ZRANB3: variants seen among roughly 807,000 people sequenced by gnomAD.
ZRANB3 encodes the protein zinc finger RANBP2-type containing 3, also known as DNA annealing helicase and endonuclease ZRANB3.
Under a neutral mutation model 133.8 loss-of-function variants are expected in ZRANB3, and 125 were observed. That is an observed-to-expected ratio of 0.93 (90% CI 0.81 to 1.08). ZRANB3 has a LOEUF of 1.08. Among genes scored for constraint, ZRANB3 ranks in the 50% least tolerant of loss-of-function variants. ZRANB3 has a pLI of 0.00. For missense variants in ZRANB3, 1,229 were observed against 1,275.5 expected (o/e 0.96, Z 0.56); for synonymous variants, 387 against 432.7 (o/e 0.89, Z 1.31).
chr2:135,373,293 C>T (rs1036034619), intron 3 of ZRANB3, among the ~76,000 whole-genome samples: 8 of 151,990 alleles, frequency 5.3e-5, no homozygotes, highest in East Asian at 1.9e-4. Flanking sequence ...CAGACAAGTA[C>T]GGTAGGATAT....
At chr2:135,297,873 T>C (rs575427462) in intron 8 of ZRANB3, among the ~76,000 whole-genome samples, 1 of 152,238 alleles carries the variant, frequency 6.6e-6, no homozygotes, top group Non-Finnish European at 1.5e-5. Context: ...GAAGTTATGA[T>C]TGTCTTTTCT....
intron 2 of ZRANB3, among the ~76,000 whole-genome samples, chr2:135,396,690 A>G (rs1488851474): frequency 1.3e-5 from 2 of 152,084 alleles, no homozygotes; most frequent in Non-Finnish European, 2.9e-5. Flanking sequence ...GGGTAGGGGG[A>G]AAGTCGGGAT....
At chr2:135,387,969 T>TA (rs1174150924) in intron 3 of ZRANB3, among the ~76,000 whole-genome samples, 2 of 152,140 alleles carry the variant, frequency 1.3e-5, no homozygotes, top group Non-Finnish European at 2.9e-5. Flanking sequence ...TTAGAGAATA[T>TA]AAGAGTTAAG....
intron 2 of ZRANB3, among the ~76,000 whole-genome samples, chr2:135,406,437 T>C (rs919857102): frequency 1.3e-5 from 2 of 152,190 alleles, no homozygotes; most frequent in South Asian, 2.1e-4. Context: ...ATTCCATCAA[T>C]AGAAAAAGAG....
chr2:135,391,315 G>A (rs1056116245), intron 2 of ZRANB3, among the ~76,000 whole-genome samples: 5 of 152,176 alleles, frequency 3.3e-5, no homozygotes, highest in Non-Finnish European at 5.9e-5. Flanking sequence ...ATATGGCTAC[G>A]TGGGAGTGTT....
intron 8 of ZRANB3, among the ~76,000 whole-genome samples, chr2:135,279,024 T>C (rs945023915): frequency 1.3e-5 from 2 of 151,652 alleles, no homozygotes; most frequent in African/African-American, 2.4e-5. Flanking sequence ...ACAAAGCAAA[T>C]AGTAATACAA....
intron 1 of ZRANB3, among the ~76,000 whole-genome samples, chr2:135,505,083 A>C (rs1310104839): frequency 6.6e-6 from 1 of 152,146 alleles, no homozygotes; most frequent in Non-Finnish European, 1.5e-5. Flanking sequence ...TTGCCTGATT[A>C]ACACCTTCCT....
intron 12 of ZRANB3, among the ~76,000 whole-genome samples, chr2:135,255,120 G>T (rs1325454487): frequency 6.6e-6 from 1 of 152,106 alleles, no homozygotes; most frequent in Non-Finnish European, 1.5e-5. Flanking sequence ...AAATGTATGT[G>T]AAGCCATTGT....
At chr2:135,483,531 T>C (rs1691942129) in intron 2 of ZRANB3, among the ~76,000 whole-genome samples, 1 of 152,100 alleles carries the variant, frequency 6.6e-6, no homozygotes, top group South Asian at 2.1e-4. Flanking sequence ...TTGCTAGTGG[T>C]CTATCAATTT....
intron 3 of ZRANB3, among the ~76,000 whole-genome samples, chr2:135,385,465 T>C (rs1686926329): frequency 6.6e-6 from 1 of 152,166 alleles, no homozygotes; most frequent in African/African-American, 2.4e-5. Flanking sequence ...TACCAATGAC[T>C]TTCTTCACAG....
In ZRANB3 at chr2:135,315,469, GGTGAA is replaced by G; in HGVS notation, c.734_738del (p.Leu245ProfsTer5). 1 of 1,592,924 alleles carries G rather than the reference GGTGAA, an allele frequency of 6.3e-7. No homozygotes were observed. Among genetic ancestry groups the G allele is most frequent in the Non-Finnish European group, 8.5e-7 (1 of 1,171,510 alleles). On this transcript the variant is annotated frameshift_variant, in exon 7 of 21. Coordinates refer to ENST00000264159, the MANE Select transcript of ZRANB3 (RefSeq NM_032143.4). LOFTEE classifies it high-confidence loss of function. ...CTAATCATTATGTCACTTAATAGCT[GGTGAA>G]GTTCATTAAGATTTGATGCCCCTCT...
chr2:135,296,854 T>G (rs1357229375), intron 8 of ZRANB3, among the ~76,000 whole-genome samples: 1 of 152,190 alleles, frequency 6.6e-6, no homozygotes, highest in Non-Finnish European at 1.5e-5. Flanking sequence ...CCAGACCCTG[T>G]TTTCCTGGGT....
chr2:135,425,491 G>C (rs535755166), intron 2 of ZRANB3, among the ~76,000 whole-genome samples: 1 of 152,094 alleles, frequency 6.6e-6, no homozygotes, highest in Non-Finnish European at 1.5e-5. Context: ...GTAAGAAAAA[G>C]AAATGACAGT....
chr2:135,387,777 T>C (rs150104685), intron 3 of ZRANB3, among the ~76,000 whole-genome samples: 2 of 152,240 alleles, frequency 1.3e-5, no homozygotes, highest in African/African-American at 2.4e-5. Context: ...GATTTTGCAA[T>C]GTATTTAATT....
intron 3 of ZRANB3, among the ~76,000 whole-genome samples, chr2:135,383,021 C>T (rs1055398339): frequency 1.3e-5 from 2 of 152,112 alleles, no homozygotes; most frequent in African/African-American, 4.8e-5. Flanking sequence ...GGGCTAAATG[C>T]TCCAATTAAA....
rs993407832 is a variant in ZRANB3, at chr2:135,398,833, T to A, written c.162-8013A>T. Among the ~76,000 whole-genome samples the A allele has an allele frequency of 5.9e-5, 9 of 152,292 alleles. No homozygotes were observed. In the South Asian group the frequency reaches 1.5e-3, roughly 25 times the overall value. On this transcript the variant is annotated intron_variant, in intron 2 of 20. Coordinates refer to ENST00000264159, the MANE Select transcript of ZRANB3 (RefSeq NM_032143.4). ...CCACTGCACCCAGCATTTTGTCACTTTTTTTATTGATCAGTTCTCCTTGGA... is the reference window on the plus strand; with the variant it reads ...CCACTGCACCCAGCATTTTGTCACTATTTTTATTGATCAGTTCTCCTTGGA...
chr2:135,529,981 A>G (rs1183191073), intron 1 of ZRANB3, among the ~76,000 whole-genome samples: 1 of 151,134 alleles, frequency 6.6e-6, no homozygotes, highest in Non-Finnish European at 1.5e-5. Context: ...TAATCCCAGC[A>G]CTTTGGGAGG....
intron 2 of ZRANB3, among the ~76,000 whole-genome samples, chr2:135,431,005 C>T (rs75512079): frequency 0.1 from 15,877 of 151,838 alleles, 1,093 homozygotes; most frequent in South Asian, 0.32. Context: ...CTTGAATCAA[C>T]GGCTCATGCC....
chr2:135,263,837 G>A (rs1024013637), intron 12 of ZRANB3, among the ~76,000 whole-genome samples: 2 of 151,380 alleles, frequency 1.3e-5, no homozygotes, highest in African/African-American at 4.9e-5. Flanking sequence ...GTGCAGTGGC[G>A]TGATCTCGGC....
Sources: allele counts gnomAD v4.1 joint callset (sites outside exome capture counted in the v4.1 genomes callset), GRCh38; gene constraint gnomAD v4.1.1; transcripts MANE v1.5; gene names NCBI Gene and HGNC (gene_info 2026-07-23, HGNC 2026-07-21).